Variants in PSAP observed in about 807,000 individuals in gnomAD.
PSAP encodes the protein prosaposin.
Under a neutral mutation model 66.0 loss-of-function variants are expected in PSAP, and 25 were observed. The observed-to-expected ratio is 0.38, with a 90% CI of 0.28 to 0.53. PSAP has a LOEUF of 0.53. Ranked by LOEUF, PSAP falls within the 20% of genes least tolerant of loss-of-function variation. The pLI is 0.83. For synonymous variants in PSAP, 273 were observed against 258.9 expected (o/e 1.05, Z -0.52); for missense variants, 649 against 668.8 (o/e 0.97, Z 0.33).
chr10:71,829,197 T>C (rs1030478209), intron 4 of PSAP, 120 bp from the exon 5 acceptor site: 7 of 992,542 alleles, frequency 7.1e-6, no homozygotes, highest in African/African-American at 3.2e-5. Context: ...CACAAACCTG[T>C]TGTCTAAATT....
intron 7 of PSAP, among the ~76,000 whole-genome samples, chr10:71,823,210 G>T (rs1283733990): frequency 6.6e-6 from 1 of 152,216 alleles, no homozygotes; most frequent in Non-Finnish European, 1.5e-5. Context: ...AGAGGTGGCA[G>T]TGTTCAGGAC....
intron 4 of PSAP, among the ~76,000 whole-genome samples, chr10:71,829,860 T>C (rs189601124): frequency 1.4e-4 from 22 of 152,106 alleles, no homozygotes; most frequent in Middle Eastern, 6.8e-3. Flanking sequence ...TAGCCGGGCA[T>C]GATGGTGGGT....
chr10:71,819,338 T>A (rs112304526), intron 11 of PSAP, 127 bp downstream of exon 11: 18 of 1,415,562 alleles, frequency 1.3e-5, no homozygotes, highest in African/African-American at 7.0e-5. Context: ...CACCTCCAAG[T>A]AAAACTTCAT....
chr10:71,824,901 T>C (rs912591779), intron 7 of PSAP, among the ~76,000 whole-genome samples: 1 of 152,234 alleles, frequency 6.6e-6, no homozygotes, highest in Admixed American at 6.5e-5. Flanking sequence ...TGCATGTCTC[T>C]GTAAGCTGCC....
At chr10:71,839,636 T>C (rs1394011290) in intron 1 of PSAP, among the ~76,000 whole-genome samples, 6 of 152,104 alleles carry the variant, frequency 3.9e-5, no homozygotes, top group East Asian at 1.9e-4. Flanking sequence ...AGGAGAATCA[T>C]TTTGAGCTCA....
intron 1 of PSAP, among the ~76,000 whole-genome samples, chr10:71,843,021 G>C (rs1842755194): frequency 6.6e-6 from 1 of 152,120 alleles, no homozygotes; most frequent in Non-Finnish European, 1.5e-5. Context: ...TGCCGCACAT[G>C]CTGCAGACAC....
At chr10:71,827,907 C>G in intron 6 of PSAP, 107 bp downstream of exon 6, 1 of 1,492,486 alleles carries the variant, frequency 6.7e-7, no homozygotes, top group Non-Finnish European at 9.2e-7. Context: ...ATTCAAGCTG[C>G]TTTCTGGGAA....
At position 71,821,988 on chromosome 10, in the gene PSAP, G is replaced by A. The variant is rs772161921; in HGVS notation, c.797C>T (p.Ala266Val). 5.8e-5 allele frequency: 93 copies of A among 1,613,974 alleles called. 1 individual carries two copies. Among genetic ancestry groups the A allele is most frequent in the East Asian group, 2.9e-4 (13 of 44,896 alleles). ...CACCTCATCACAGAACCCAACCAGC[G>A]CACAGATCTCCTTGGGTTGCTGAAG... ...MMHMQPKEIC[A>V]LVGFCDEVKE... Residue 266 changes from alanine (A) to valine (V), a missense_variant, in exon 8 of 14, where the codon GCG becomes GTG. Physicochemically the swap from Ala to Val is moderately conservative, Grantham distance 64. Transcript: ENST00000394936.
At chr10:71,833,226 G>A (rs1024988191) in intron 2 of PSAP, among the ~76,000 whole-genome samples, 2 of 152,250 alleles carry the variant, frequency 1.3e-5, no homozygotes, top group Non-Finnish European at 1.5e-5. Flanking sequence ...CACTATGGGA[G>A]GCAGGAGGAT....
At chr10:71,840,626 A>C (rs781159828) in intron 1 of PSAP, among the ~76,000 whole-genome samples, 3 of 152,208 alleles carry the variant, frequency 2.0e-5, no homozygotes, top group Non-Finnish European at 4.4e-5. Flanking sequence ...CTCATATCAC[A>C]TAAGAAATCA....
chr10:71,819,744 A>G lies in PSAP; in HGVS notation c.1162T>C (p.Cys388Arg). 1 of 1,614,110 alleles carries G rather than the reference A, an allele frequency of 6.2e-7. No individual in the cohort carries two copies. The highest frequency in any genetic ancestry group is 8.5e-7 in the Non-Finnish European group (1 of 1,180,024). The stretch of plus-strand genomic sequence containing the variant: ...AGTGCAGGCAGCCGCGTGCCAGAGC[A>G]GAGGTGCAGCATGCTGCACACCAGC... ...PELVCSMLHL[C>R]SGTRLPALTV... The change falls in exon 10 of 14, where the codon TGC (cysteine) becomes CGC (arginine). Residue 388 changes from cysteine (C) to arginine (R), a missense_variant. Cys to Arg is a radical substitution (Grantham distance 180, BLOSUM62 -3). Transcript: ENST00000394936.
chr10:71,822,177 C>G (rs1564816650), intron 7 of PSAP, 170 bp from the exon 8 acceptor site: 2 of 847,516 alleles, frequency 2.4e-6, no homozygotes, highest in Admixed American at 2.0e-5. Context: ...TTAAAGGGCT[C>G]GTGTCTGAAG....
chr10:71,827,840 A>G (rs188928425), intron 6 of PSAP, among the ~76,000 whole-genome samples, 174 bp downstream of exon 6: 3 of 152,240 alleles, frequency 2.0e-5, no homozygotes, highest in African/African-American at 7.2e-5. Flanking sequence ...TTTTGTTCCC[A>G]GTTTTGTTAC....
In PSAP at chr10:71,819,978, G is replaced by A. The variant is rs1194415324; in HGVS notation, c.1006-78C>T. ...GGGGACATTCTGAAAATACTAACAT[G>A]GCCAGGAAATGAGTCAATGGTGGGT... On this transcript the variant is annotated intron_variant, in intron 9 of 13. Transcript: ENST00000394936. 3.1e-6 allele frequency: 4 copies of A among 1,296,034 alleles called. No homozygotes were observed. The East Asian group carries it at 9.6e-5, about 31-fold the overall frequency. The allele number at this position is 1,296,034 out of a possible 1,614,324, so 80.3% of individuals were successfully genotyped here. A position where few individuals can be genotyped will look rare whatever the true frequency, so the allele number is the denominator to read the frequency against.
intron 1 of PSAP, among the ~76,000 whole-genome samples, chr10:71,848,486 T>C (rs900770151): frequency 6.6e-6 from 1 of 152,152 alleles, no homozygotes; most frequent in Non-Finnish European, 1.5e-5. Context: ...TCAGATTACA[T>C]GCTCTCCAAT....
intron 1 of PSAP, 96 bp downstream of exon 1, chr10:71,851,086 A>G: frequency 7.1e-7 from 1 of 1,400,746 alleles, no homozygotes; most frequent in East Asian, 2.5e-5. Flanking sequence ...CAACTAGGGC[A>G]GGGGGAGCAG....
At chr10:71,823,787 G>A (rs1054505603) in intron 7 of PSAP, 2 of 836,078 alleles carry the variant, frequency 2.4e-6, no homozygotes, top group African/African-American at 1.8e-5. Context: ...ACCATTCCTT[G>A]TATCTGTCAG....
intron 6 of PSAP, among the ~76,000 whole-genome samples, chr10:71,827,070 C>G (rs945419831): frequency 6.6e-6 from 1 of 152,148 alleles, no homozygotes; most frequent in Admixed American, 6.5e-5. Context: ...AGCTGGAATT[C>G]TCAGTGTCAC....
intron 7 of PSAP, 173 bp from the exon 8 acceptor site, chr10:71,822,180 G>A: frequency 1.3e-6 from 1 of 794,972 alleles, no homozygotes; most frequent in Admixed American, 2.0e-5. Context: ...AAGGGCTCGT[G>A]TCTGAAGCAG....
Sources: allele counts gnomAD v4.1 joint callset (sites outside exome capture counted in the v4.1 genomes callset), GRCh38; gene constraint gnomAD v4.1.1; transcripts MANE v1.5; gene names NCBI Gene and HGNC (gene_info 2026-07-23, HGNC 2026-07-21).